Variants in VPS13D observed in about 807,000 individuals in gnomAD.
VPS13D encodes the protein intermembrane lipid transfer protein VPS13D.
A neutral mutation model predicts 461.9 loss-of-function variants in VPS13D; 187 were observed. The observed-to-expected ratio is 0.40, with a 90% CI of 0.36 to 0.46. The LOEUF is 0.46. VPS13D is among the 20% of genes least tolerant of loss of function. The pLI is 0.60. For missense variants in VPS13D, 4,711 were observed against 5,364.9 expected (o/e 0.88, Z 3.81); for synonymous variants, 1,951 against 1,986.3 (o/e 0.98, Z 0.47).
At chr1:12,391,159 C>T (rs928269133) in intron 60 of VPS13D, among the ~76,000 whole-genome samples, 2 of 152,254 alleles carry the variant, frequency 1.3e-5, no homozygotes, top group Admixed American at 1.3e-4. Context: ...ATTTCTTCTT[C>T]CATGCAAAGT....
chr1:12,367,052 C>CCCTT (rs1057302745), intron 52 of VPS13D, among the ~76,000 whole-genome samples: 10 of 152,136 alleles, frequency 6.6e-5, no homozygotes, highest in African/African-American at 2.4e-4. Context: ...CATAGCAACT[C>CCCTT]CCTTCCCATT....
intron 25 of VPS13D, among the ~76,000 whole-genome samples, chr1:12,300,658 C>T (rs1325223314): frequency 6.6e-6 from 1 of 152,072 alleles, no homozygotes; most frequent in African/African-American, 2.4e-5. Flanking sequence ...AGGATGAGGA[C>T]TGTTGTTATT....
chr1:12,331,274 C>T (rs1364085667), intron 37 of VPS13D, among the ~76,000 whole-genome samples: 1 of 152,156 alleles, frequency 6.6e-6, no homozygotes, highest in African/African-American at 2.4e-5. Context: ...CCTCCGACGG[C>T]CTGCTCCCTT....
intron 49 of VPS13D, among the ~76,000 whole-genome samples, chr1:12,357,935 C>T (rs1356356967): frequency 2.7e-5 from 4 of 150,332 alleles, no homozygotes; most frequent in South Asian, 2.1e-4. Flanking sequence ...ACCTGGGAGG[C>T]GGAGGTTGCA....
intron 67 of VPS13D, among the ~76,000 whole-genome samples, chr1:12,484,368 T>C (rs1215409512): frequency 6.6e-6 from 1 of 152,146 alleles, no homozygotes; most frequent in African/African-American, 2.4e-5. Context: ...ATCCTCCCAA[T>C]TGGATTGTGA....
chr1:12,453,052 G>A (rs1267569295), intron 65 of VPS13D, among the ~76,000 whole-genome samples: 1 of 152,128 alleles, frequency 6.6e-6, no homozygotes, highest in African/African-American at 2.4e-5. Context: ...GATCTCTTAG[G>A]TCATCTCATC....
At chr1:12,488,733 A>G (rs1297411207) in intron 67 of VPS13D, among the ~76,000 whole-genome samples, 1 of 150,030 alleles carries the variant, frequency 6.7e-6, no homozygotes, top group Non-Finnish European at 1.5e-5. Context: ...TCAGCTTGTT[A>G]TTATTAGCAT....
intron 25 of VPS13D, among the ~76,000 whole-genome samples, chr1:12,302,169 G>A (rs560958949): frequency 3.3e-5 from 5 of 152,320 alleles, no homozygotes; most frequent in African/African-American, 1.2e-4. Flanking sequence ...CAATAAAAAT[G>A]CTGCATTATA....
At chr1:12,449,852 C>T (rs903759844) in intron 65 of VPS13D, among the ~76,000 whole-genome samples, 13 of 152,300 alleles carry the variant, frequency 8.5e-5, no homozygotes, top group South Asian at 4.1e-4. Flanking sequence ...AGGCCAGGCT[C>T]GGTGGCTTAT....
At chr1:12,365,664 G>C (rs546955256) in intron 52 of VPS13D, among the ~76,000 whole-genome samples, 7 of 149,496 alleles carry the variant, frequency 4.7e-5, no homozygotes, top group Non-Finnish European at 8.9e-5. Flanking sequence ...AGATCGTGCC[G>C]TTGCACTCTA....
chr1:12,485,129 A>G (rs1164288333), intron 67 of VPS13D, among the ~76,000 whole-genome samples: 1 of 152,142 alleles, frequency 6.6e-6, no homozygotes, highest in Non-Finnish European at 1.5e-5. Flanking sequence ...TTCTATTTTT[A>G]TTTTCGTAGT....
chr1:12,310,273 C>G (rs1482996204), intron 27 of VPS13D, among the ~76,000 whole-genome samples: 1 of 152,182 alleles, frequency 6.6e-6, no homozygotes, highest in Non-Finnish European at 1.5e-5. Context: ...GGTCAGCCGT[C>G]TCTGTTTTTC....
chr1:12,265,884 C>T (rs944117129), intron 13 of VPS13D, among the ~76,000 whole-genome samples: 1 of 152,144 alleles, frequency 6.6e-6, no homozygotes, highest in Non-Finnish European at 1.5e-5. Context: ...CAAGGCTGGG[C>T]GTGGTGGCTC....
At chr1:12,312,557 A>C (rs1443232468) in intron 29 of VPS13D, among the ~76,000 whole-genome samples, 5 of 152,210 alleles carry the variant, frequency 3.3e-5, no homozygotes, top group Non-Finnish European at 2.9e-5. Flanking sequence ...CAGGAATTCC[A>C]GACTGGCCTG....
At chr1:12,280,538 C>G (rs9660839) in intron 20 of VPS13D, among the ~76,000 whole-genome samples, 10,143 of 148,710 alleles carry the variant, frequency 0.068, 566 homozygotes, top group Admixed American at 0.14. Context: ...TCTCAGGCTA[C>G]AGTGCCAGTG....
chr1:12,272,908 A>G (rs1363270971), intron 17 of VPS13D, 95 bp from the exon 18 acceptor site: 46 of 1,523,602 alleles, frequency 3.0e-5, no homozygotes, highest in Middle Eastern at 1.7e-4. Flanking sequence ...GAGTCACTCC[A>G]TAATCCTAGC....
At chr1:12,263,410 CTGAA>C (rs1247731936) in intron 13 of VPS13D, among the ~76,000 whole-genome samples, 1 of 152,144 alleles carries the variant, frequency 6.6e-6, no homozygotes, top group Non-Finnish European at 1.5e-5. Flanking sequence ...CTGTGAGTGT[CTGAA>C]TGACAGAGTG....
chr1:12,275,388 C>G (rs1430934171), intron 18 of VPS13D, among the ~76,000 whole-genome samples: 2 of 152,144 alleles, frequency 1.3e-5, no homozygotes, highest in African/African-American at 2.4e-5. Flanking sequence ...GCACTCCAGC[C>G]TGGGTGACAG....
intron 60 of VPS13D, among the ~76,000 whole-genome samples, chr1:12,392,122 A>G (rs1644434485): frequency 6.6e-6 from 1 of 152,092 alleles, no homozygotes; most frequent in Admixed American, 6.5e-5. Flanking sequence ...TAGGCCTCCC[A>G]GGGTCCTGGG....
Sources: gnomAD v4.1 joint callset for allele counts (sites outside exome capture counted in the v4.1 genomes callset) on GRCh38, gnomAD v4.1.1 for gene constraint, MANE v1.5 for transcripts, NCBI Gene and HGNC (gene_info 2026-07-23, HGNC 2026-07-21) for gene names.